PTPRT: variants seen among roughly 807,000 people sequenced by gnomAD.
PTPRT encodes the protein protein tyrosine phosphatase receptor type T, also known as receptor-type tyrosine-protein phosphatase T.
PTPRT carries 56 observed loss-of-function variants against 176.8 expected under a neutral mutation model. That is an observed-to-expected ratio of 0.32 (90% CI 0.26 to 0.40). The LOEUF is 0.40. Among genes scored for constraint, PTPRT ranks in the 10% least tolerant of loss-of-function variants. The pLI is 1.00. For synonymous variants in PTPRT, 783 were observed against 739.0 expected, an observed-to-expected ratio of 1.06 and a Z score of -0.96; for missense variants, 1,540 against 1,908.2, an observed-to-expected ratio of 0.81 and a Z score of 3.60.
At chr20:42,135,393 C>T (rs914434841) in intron 18 of PTPRT, among the ~76,000 whole-genome samples, 1 of 152,222 alleles carries the variant, frequency 6.6e-6, no homozygotes, top group Non-Finnish European at 1.5e-5. Flanking sequence ...TCAGCAGCAC[C>T]TGGGAACTTG....
intron 1 of PTPRT, among the ~76,000 whole-genome samples, chr20:43,142,551 G>A (rs543792867): frequency 4.6e-5 from 7 of 152,330 alleles, no homozygotes; most frequent in East Asian, 1.9e-4. Flanking sequence ...CTGAAGAATC[G>A]TGCTGCTTGC....
chr20:42,660,710 G>A (rs2075207933), intron 7 of PTPRT, among the ~76,000 whole-genome samples: 1 of 152,154 alleles, frequency 6.6e-6, no homozygotes, highest in Non-Finnish European at 1.5e-5. Context: ...CCAGGCACTG[G>A]TGACCAGAAC....
chr20:42,583,291 C>T (rs1429489514), intron 7 of PTPRT, among the ~76,000 whole-genome samples: 1 of 152,132 alleles, frequency 6.6e-6, no homozygotes, highest in Non-Finnish European at 1.5e-5. Flanking sequence ...CAATGGCAAC[C>T]AGTTGCTCAG....
chr20:42,429,537 A>G (rs920034220), intron 9 of PTPRT, among the ~76,000 whole-genome samples: 1 of 152,048 alleles, frequency 6.6e-6, no homozygotes, highest in Non-Finnish European at 1.5e-5. Context: ...TTTCAGATGA[A>G]CAGAAGGCAA....
intron 25 of PTPRT, 148 bp downstream of exon 25, chr20:42,104,421 G>A: frequency 1.1e-6 from 1 of 920,810 alleles, no homozygotes. Context: ...CCCAGACACT[G>A]GATTTACTGG....
At chr20:43,118,515 C>A (rs2013139893) in intron 1 of PTPRT, among the ~76,000 whole-genome samples, 1 of 152,208 alleles carries the variant, frequency 6.6e-6, no homozygotes, top group East Asian at 1.9e-4. Flanking sequence ...TCTTGGCTCA[C>A]TGCAACCTCC....
intron 7 of PTPRT, among the ~76,000 whole-genome samples, chr20:42,553,724 G>C (rs538202613): frequency 2.4e-4 from 36 of 152,154 alleles, no homozygotes; most frequent in African/African-American, 8.7e-4. Flanking sequence ...CAGAGAAGAG[G>C]GTGAAATGTC....
chr20:42,485,336 A>G (rs1194208956), intron 7 of PTPRT, among the ~76,000 whole-genome samples: 1 of 152,164 alleles, frequency 6.6e-6, no homozygotes, highest in African/African-American at 2.4e-5. Context: ...AAAGCTGGAG[A>G]AAGAATAAAA....
rs553529101 is a variant in PTPRT at position 42,103,042 on chromosome 20, G to A, written c.3541-745C>T. On this transcript the variant is annotated intron_variant, in intron 25 of 30. Coordinates refer to ENST00000373187, the MANE Select transcript of PTPRT (RefSeq NM_007050.6). Reference sequence around the variant, plus strand: ...ATTGGCCTGCCTGGGATATCTGCCCGTGGAACAATGGGCCTGGCATTTGCC... The same window carrying A: ...ATTGGCCTGCCTGGGATATCTGCCCATGGAACAATGGGCCTGGCATTTGCC... Among the ~76,000 whole-genome samples, 9 of 152,344 alleles carry A rather than the reference G, an allele frequency of 5.9e-5. No homozygotes were observed. In the South Asian group the frequency reaches 6.2e-4, roughly 11 times the overall value.
intron 7 of PTPRT, among the ~76,000 whole-genome samples, chr20:42,638,799 A>G (rs561926051): frequency 2.0e-4 from 31 of 152,282 alleles, no homozygotes; most frequent in African/African-American, 7.5e-4. Flanking sequence ...TAAAAAATCC[A>G]TAATATATAG....
intron 7 of PTPRT, among the ~76,000 whole-genome samples, chr20:42,633,711 G>GGGA (rs977309179): frequency 4.4e-5 from 6 of 137,644 alleles, no homozygotes; most frequent in Non-Finnish European, 9.1e-5. Flanking sequence ...GCTTGTACCT[G>GGGA]GGAGGTGGAG....
chr20:42,146,503 A>C (rs1455944352), intron 17 of PTPRT, among the ~76,000 whole-genome samples: 1 of 152,212 alleles, frequency 6.6e-6, no homozygotes, highest in Non-Finnish European at 1.5e-5. Flanking sequence ...TACAACTCCC[A>C]AAGCCAAGGT....
chr20:43,112,955 A>G (rs577217210), intron 1 of PTPRT, among the ~76,000 whole-genome samples: 51 of 152,164 alleles, frequency 3.4e-4, no homozygotes, highest in Admixed American at 6.5e-4. Flanking sequence ...GGGGTTTTGC[A>G]TGTAACTCAT....
At chr20:42,415,093 G>T (rs2145750121) in intron 9 of PTPRT, among the ~76,000 whole-genome samples, 1 of 152,280 alleles carries the variant, frequency 6.6e-6, no homozygotes, top group Middle Eastern at 3.4e-3. Flanking sequence ...GGCAGCAGTA[G>T]AGCCTAGGGC....
chr20:42,998,999 T>G (rs1254137761), intron 1 of PTPRT, among the ~76,000 whole-genome samples: 1 of 152,248 alleles, frequency 6.6e-6, no homozygotes, highest in Non-Finnish European at 1.5e-5. Flanking sequence ...CAATTCCAGA[T>G]TAATTTCAAG....
intron 1 of PTPRT, among the ~76,000 whole-genome samples, chr20:43,123,192 T>A (rs1371295468): frequency 1.3e-5 from 2 of 152,204 alleles, no homozygotes; most frequent in African/African-American, 4.8e-5. Flanking sequence ...AATGGCCTAA[T>A]ACAACTTATT....
chr20:43,002,111 GCAT>G (rs879596747), intron 1 of PTPRT, among the ~76,000 whole-genome samples: 1,750 of 152,266 alleles, frequency 0.011, 88 homozygotes, highest in Admixed American at 0.081. Context: ...TTTCTCCTGT[GCAT>G]GCACTTTCTC....
intron 12 of PTPRT, among the ~76,000 whole-genome samples, chr20:42,304,791 G>T (rs940543382): frequency 6.6e-6 from 1 of 152,180 alleles, no homozygotes; most frequent in Non-Finnish European, 1.5e-5. Flanking sequence ...GAGCAAAAAT[G>T]TTCTGATGAC....
chr20:43,163,617 T>G (rs1053984493), intron 1 of PTPRT, among the ~76,000 whole-genome samples: 34 of 149,334 alleles, frequency 2.3e-4, no homozygotes, highest in African/African-American at 7.6e-4. Context: ...CAGCCTGGGC[T>G]ACAGAGCGAG....
Sources: allele counts gnomAD v4.1 joint callset (sites outside exome capture counted in the v4.1 genomes callset), GRCh38; gene constraint gnomAD v4.1.1; transcripts MANE v1.5; gene names NCBI Gene and HGNC (gene_info 2026-07-23, HGNC 2026-07-21).